The following EFHC2 variants were observed in gnomAD, a reference collection of about 807,000 sequenced individuals.
EFHC2 encodes EF-hand domain-containing family member C2.
Under a neutral mutation model 52.7 loss-of-function variants are expected in EFHC2, and 18 were observed. The observed-to-expected ratio is 0.34, with a 90% CI of 0.24 to 0.51. The LOEUF (loss-of-function observed/expected upper bound fraction) is 0.51, where lower values mean the gene tolerates loss of function less well. Among genes scored for constraint, EFHC2 ranks in the 20% least tolerant of loss-of-function variants. The probability of loss-of-function intolerance (pLI) is 0.97; values close to 1 mark genes in which losing one functional copy is unlikely to be tolerated. For synonymous variants in EFHC2, 203 were observed against 204.1 expected, an observed-to-expected ratio of 0.99 and a Z score of 0.04; for missense variants, 513 against 562.5, an observed-to-expected ratio of 0.91 and a Z score of 0.89.
chrX:44,325,827 A>G (rs192995966), intron 1 of EFHC2, among the ~76,000 whole-genome samples: 1 of 104,852 alleles, frequency 9.5e-6, no homozygotes, highest in Non-Finnish European at 1.9e-5. Context: ...AAGCCAATAT[A>G]AATGTCATTT....
chrX:44,306,356 G>A (rs909879497), intron 2 of EFHC2, among the ~76,000 whole-genome samples: 2 of 111,308 alleles, frequency 1.8e-5, no homozygotes, highest in East Asian at 5.6e-4. Context: ...AACAAAAGGA[G>A]GGCAAAGGGT....
chrX:44,226,894 A>T (rs1389055111), intron 11 of EFHC2, among the ~76,000 whole-genome samples: 4 of 108,516 alleles, frequency 3.7e-5, no homozygotes, highest in Non-Finnish European at 5.7e-5. Flanking sequence ...AAAGTATAAT[A>T]AAAAAAAGAA....
intron 11 of EFHC2, among the ~76,000 whole-genome samples, chrX:44,184,638 G>A (rs757317220): frequency 9.3e-5 from 10 of 107,513 alleles, no homozygotes; most frequent in Non-Finnish European, 1.3e-4. Flanking sequence ...CAGAAGAATC[G>A]CTTGAACCTG....
rs2037927262 is a variant in EFHC2, at chrX:44,309,219, G to A, written c.231+3349C>T. 4 of 428,564 alleles carry A rather than the reference G, an allele frequency of 9.3e-6. No individual in the cohort carries two copies. In the Admixed American group the frequency reaches 1.0e-4, roughly 11 times the overall value. The allele number at this position is 428,564 out of a possible 1,213,427, so 35.3% of individuals were successfully genotyped here. A position where few individuals can be genotyped will look rare whatever the true frequency, so the allele number is the denominator to read the frequency against. On this transcript the variant is annotated intron_variant, in intron 2 of 14. Transcript: ENST00000420999. ...AAAGATGCTGTTAATGAACATTATG[G>A]ACAATTCATGGTGTGGCTAGTTGAT...
At chrX:44,168,969 C>T (rs2036721749) in intron 13 of EFHC2, among the ~76,000 whole-genome samples, 1 of 107,049 alleles carries the variant, frequency 9.3e-6, no homozygotes, top group Non-Finnish European at 1.9e-5. Context: ...AGACAGAAGC[C>T]AAAACAGCAA....
intron 13 of EFHC2, among the ~76,000 whole-genome samples, chrX:44,176,014 A>G (rs182505231): frequency 1.2e-4 from 13 of 112,350 alleles, no homozygotes; most frequent in Non-Finnish European, 2.3e-4. Context: ...CCTAACCAAC[A>G]AAGTTGTGTA....
rs762022140 is a variant in EFHC2 at position 44,310,311 on chromosome X, C to T, written c.231+2257G>A. 79 of 947,635 alleles carry T rather than the reference C, an allele frequency of 8.3e-5. No individual in the cohort carries two copies. In the African/African-American group the frequency reaches 1.3e-3, roughly 16 times the overall value. The allele number at this position is 947,635 out of a possible 1,213,427, so 78.1% of individuals were successfully genotyped here. On this transcript the variant is annotated intron_variant, in intron 2 of 14. Coordinates refer to ENST00000420999, the MANE Select transcript of EFHC2 (RefSeq NM_025184.4). ...GGCAGCTGCTTTAGTTTTCGGCTCG[C>T]GGGCTCCTGGAAGATCCTCCATGCA... is the stretch of plus-strand genomic sequence containing the variant.
chrX:44,284,781 G>A (rs2037738522), intron 2 of EFHC2: 1 of 111,877 alleles, frequency 8.9e-6, no homozygotes, highest in Admixed American at 9.5e-5. Flanking sequence ...ATCCAAAAGC[G>A]ACTTAGCAAC....
At chrX:44,253,438 G>T (rs1410477746) in intron 4 of EFHC2, among the ~76,000 whole-genome samples, 1 of 111,084 alleles carries the variant, frequency 9.0e-6, no homozygotes, top group Non-Finnish European at 1.9e-5. Context: ...TTGGTGGGGG[G>T]AGGGGCGTCC....
chrX:44,205,575 C>T (rs1343758121), intron 11 of EFHC2, among the ~76,000 whole-genome samples: 1 of 110,805 alleles, frequency 9.0e-6, no homozygotes, highest in Non-Finnish European at 1.9e-5. Context: ...TCAGATAAAA[C>T]CAACAACATT....
intron 1 of EFHC2, among the ~76,000 whole-genome samples, chrX:44,319,450 G>A (rs1569308003): frequency 9.0e-6 from 1 of 111,587 alleles, no homozygotes; most frequent in African/African-American, 3.3e-5. Flanking sequence ...TTCCAGGGAT[G>A]CCACCCTAGT....
rs370446144 is a variant in EFHC2 at position 44,148,620 on chromosome X, T to C, written c.*175A>G. 2.2e-5 allele frequency: 9 copies of C among 416,022 alleles called. No homozygotes were observed. Among genetic ancestry groups the C allele is most frequent in the East Asian group, 1.3e-4 (3 of 22,882 alleles). 34.3% of individuals were successfully genotyped at this position (416,022 alleles called of 1,213,427 possible). Reference sequence around the variant, plus strand: ...TTAAATAGTAACAGTACGTCGGCAATGTAACATGATGTTCTGTAAAACTAA... The same window carrying C: ...TTAAATAGTAACAGTACGTCGGCAACGTAACATGATGTTCTGTAAAACTAA... On this transcript the variant is annotated 3_prime_UTR_variant, in exon 15 of 15. Transcript: ENST00000420999.
chrX:44,261,982 G>A (rs968850771), intron 3 of EFHC2, among the ~76,000 whole-genome samples: 47 of 110,617 alleles, frequency 4.2e-4, no homozygotes, highest in African/African-American at 1.5e-3. Context: ...GTTCTAGCCA[G>A]TGCTCTGGGC....
At chrX:44,169,410 C>T (rs1012097891) in intron 13 of EFHC2, among the ~76,000 whole-genome samples, 2 of 110,686 alleles carry the variant, frequency 1.8e-5, no homozygotes, top group Non-Finnish European at 3.8e-5. Context: ...TGGGTAACTG[C>T]GACTACAGGT....
In EFHC2 at chrX:44,148,068, T is replaced by G. The variant is rs1427353407; in HGVS notation, c.*727A>C. The G allele has an allele frequency of 9.0e-6, 1 of 111,289 alleles. No individual in the cohort carries two copies. The highest frequency in any genetic ancestry group is 9.6e-5 in the Admixed American group (1 of 10,385). The allele number at this position is 111,289 out of a possible 1,213,427, so 9.2% of individuals were successfully genotyped here. A position where few individuals can be genotyped will look rare whatever the true frequency, so the allele number is the denominator to read the frequency against. On this transcript the variant is annotated 3_prime_UTR_variant, in exon 15 of 15. Coordinates refer to ENST00000420999, the MANE Select transcript of EFHC2 (RefSeq NM_025184.4). The stretch of plus-strand genomic sequence containing the variant: ...AAAAAAAAACAAAAATCTCAAAATC[T>G]TCAGCTTTCACATTTGTAAATATTT...
rs1240051865 is a variant in EFHC2 at position 44,176,368 on chromosome X, T to C, written c.1966A>G (p.Thr656Ala). 24 of 1,193,613 alleles carry C rather than the reference T, an allele frequency of 2.0e-5. No individual in the cohort carries two copies. The highest frequency in any genetic ancestry group is 2.7e-5 in the Non-Finnish European group (24 of 886,574). Residue 656 changes from threonine (T) to alanine (A), a missense_variant, in exon 13 of 15, where the codon ACC (threonine) becomes GCC (alanine). Coordinates refer to ENST00000420999, the MANE Select transcript of EFHC2 (RefSeq NM_025184.4). Reference protein sequence around the residue: ...EDREKKNVLPTKDIKRLCKSS... With the variant: ...EDREKKNVLPAKDIKRLCKSS... ...TTGCACAGCCTTTTAATGTCTTTGG[T>C]GGGTAATACATTTTTTCTGCATTAA...
chrX:44,342,528 G>A (rs749848537), intron 1 of EFHC2, among the ~76,000 whole-genome samples: 52 of 111,454 alleles, frequency 4.7e-4, no homozygotes, highest in African/African-American at 1.7e-3. Flanking sequence ...GTTCTTTCAT[G>A]CTCAGGGTTT....
chrX:44,239,442 A>G (rs1273504610), intron 8 of EFHC2, among the ~76,000 whole-genome samples: 1 of 112,438 alleles, frequency 8.9e-6, no homozygotes, highest in Non-Finnish European at 1.9e-5. Context: ...CCCTGCCCTC[A>G]AGGAGCTCTT....
At chrX:44,204,044 C>T (rs2037026950) in intron 11 of EFHC2, among the ~76,000 whole-genome samples, 1 of 110,735 alleles carries the variant, frequency 9.0e-6, no homozygotes, top group African/African-American at 3.3e-5. Context: ...TGCATTGCTA[C>T]AATAAGCAGC....
Sources: gnomAD v4.1 joint callset for allele counts (sites outside exome capture counted in the v4.1 genomes callset) on GRCh38, gnomAD v4.1.1 for gene constraint, MANE v1.5 for transcripts, NCBI Gene and HGNC (gene_info 2026-07-23, HGNC 2026-07-21) for gene names.